Variants in RHD observed in about 807,000 individuals in gnomAD.
The protein encoded by RHD is Rh blood group D antigen, also known as blood group Rh(D) polypeptide.
Under a neutral mutation model 45.5 loss-of-function variants are expected in RHD, and 16 were observed. The observed-to-expected ratio is 0.35, with a 90% CI of 0.24 to 0.53. The LOEUF is 0.53. Ranked by LOEUF, RHD falls within the 20% of genes least tolerant of loss-of-function variation. The pLI, the probability that RHD is intolerant of heterozygous loss-of-function variation, is 0.92. For synonymous variants in RHD, 131 were observed against 217.5 expected (o/e 0.60, Z 3.50); for missense variants, 306 against 532.0 (o/e 0.58, Z 4.18).
chr1:25,302,323 A>C (rs549546052), intron 5 of RHD, among the ~76,000 whole-genome samples: 3,642 of 128,288 alleles, frequency 0.028, 530 homozygotes, highest in African/African-American at 0.086. Flanking sequence ...ATGATGGGGG[A>C]AGGGGCTCCA....
chr1:25,313,985 G>A (rs1644296876), intron 7 of RHD, among the ~76,000 whole-genome samples: 1 of 132,922 alleles, frequency 7.5e-6, no homozygotes, highest in South Asian at 2.3e-4. Flanking sequence ...CATTATTGAG[G>A]AGGATTTGGG....
At chr1:25,287,613 C>G (rs1370348880) in intron 2 of RHD, among the ~76,000 whole-genome samples, 2 of 135,262 alleles carry the variant, frequency 1.5e-5, no homozygotes, top group Admixed American at 1.4e-4. Context: ...GGGGAGGGGC[C>G]TATCTTATTC....
chr1:25,276,217 C>T lies in RHD; in HGVS notation c.148+3522C>T, dbSNP rs111814301. ...TTTTTGTTTTTGTTTTTTAAGTCTC[C>T]ATCTGTTAGAGAGGCACATTGAAAT... is the stretch of plus-strand genomic sequence containing the variant. On this transcript the variant is annotated intron_variant, in intron 1 of 9. Transcript: ENST00000328664. 2.1e-4 allele frequency among the ~76,000 whole-genome samples: 27 copies of T among 129,520 alleles called. 5 individuals carry two copies. Among genetic ancestry groups the T allele is most frequent in the Admixed American group, 6.8e-4 (9 of 13,218 alleles). 85.0% of individuals were successfully genotyped at this position (129,520 alleles called of 152,430 possible). A position where few individuals can be genotyped will look rare whatever the true frequency, so the allele number is the denominator to read the frequency against.
At position 25,297,955 on chromosome 1, in the gene RHD, T is replaced by C. The variant is rs1411232366; in HGVS notation, c.487-2991T>C. On this transcript the variant is annotated intron_variant, in intron 3 of 9. Coordinates refer to ENST00000328664, the MANE Select transcript of RHD (RefSeq NM_016124.6). ...TCCCAGGTAGTCTGTGCTCTCCATC[T>C]TTTGGCTCTTATTCTCTCCGTACAT... is the stretch of plus-strand genomic sequence containing the variant. Among the ~76,000 whole-genome samples the C allele has an allele frequency of 1.5e-5, 2 of 131,372 alleles. 1 individual carries two copies. Among genetic ancestry groups the C allele is most frequent in the African/African-American group, 5.2e-5 (2 of 38,180 alleles). 86.2% of individuals were successfully genotyped at this position (131,372 alleles called of 152,430 possible).
In RHD at chr1:25,284,894, A is replaced by G. The variant is rs45536231; in HGVS notation, c.335+135A>G. 4.0e-3 allele frequency: 4,215 copies of G among 1,065,190 alleles called. 565 individuals carry two copies. The African/African-American group carries it at 0.059, about 15-fold the overall frequency. 66.0% of individuals were successfully genotyped at this position (1,065,190 alleles called of 1,614,324 possible). ...TGTGCAATATTTAGGACATCCTTAT[A>G]CTAAAAGATTATTCATTGTTTAAAA... On this transcript the variant is annotated intron_variant, in intron 2 of 9. Transcript: ENST00000328664.
chr1:25,279,711 T>C (rs1455645038), intron 1 of RHD, among the ~76,000 whole-genome samples: 3 of 124,160 alleles, frequency 2.4e-5, no homozygotes, highest in Admixed American at 7.8e-5. Context: ...ATGGTGAGTA[T>C]TGCCTTATCT....
rs1166506933 is a variant in RHD, at chr1:25,291,294, C to G, written c.486+503C>G. On this transcript the variant is annotated intron_variant, in intron 3 of 9. Transcript: ENST00000328664. ...GACCAGCCTGGTCAACATGGGGGAA[C>G]CTCATCTCTACTAAAAATACAAAAT... Among the ~76,000 whole-genome samples, 4 of 129,970 alleles carry G rather than the reference C, an allele frequency of 3.1e-5. 1 individual carries two copies. Among genetic ancestry groups the G allele is most frequent in the Non-Finnish European group, 7.3e-5 (4 of 54,998 alleles). The allele number at this position is 129,970 out of a possible 152,430, so 85.3% of individuals were successfully genotyped here. A position where few individuals can be genotyped will look rare whatever the true frequency, so the allele number is the denominator to read the frequency against.
At chr1:25,285,290 G>A (rs1477609259) in intron 2 of RHD, among the ~76,000 whole-genome samples, 5 of 133,608 alleles carry the variant, frequency 3.7e-5, no homozygotes, top group African/African-American at 1.0e-4. Flanking sequence ...ATGTGCCACC[G>A]CGCCTGGCTG....
intron 9 of RHD, 110 bp downstream of exon 9, chr1:25,322,072 G>C: frequency 1.7e-6 from 1 of 593,928 alleles, no homozygotes. Context: ...AACAAAAATG[G>C]AGTAAGGAGC....
chr1:25,291,638 A>G (rs35011018), intron 3 of RHD, among the ~76,000 whole-genome samples: 2,425 of 132,456 alleles, frequency 0.018, 274 homozygotes, highest in African/African-American at 0.058. Flanking sequence ...AATTATGGTT[A>G]TATAAAAGTA....
At chr1:25,292,258 G>A (rs1642572850) in intron 3 of RHD, among the ~76,000 whole-genome samples, 1 of 132,386 alleles carries the variant, frequency 7.6e-6, no homozygotes, top group East Asian at 2.0e-4. Context: ...GGAGAACTAG[G>A]GAGTGTTGGG....
At chr1:25,284,249 C>CTAA (rs1173864510) in intron 1 of RHD, among the ~76,000 whole-genome samples, 2 of 136,120 alleles carry the variant, frequency 1.5e-5, no homozygotes, top group Non-Finnish European at 3.5e-5. Flanking sequence ...AGCACGTGTG[C>CTAA]TTTACACTTG....
rs182629341 is a variant in RHD at position 25,300,307 on chromosome 1, T to C, written c.487-639T>C. ...GGGAAGGATCTCTTGAGCCCAGGAG[T>C]TCAAGACCAGCCTGAGCAACATAGC... On this transcript the variant is annotated intron_variant, in intron 3 of 9. Coordinates refer to ENST00000328664, the MANE Select transcript of RHD (RefSeq NM_016124.6). Among the ~76,000 whole-genome samples, 6 of 123,122 alleles carry C rather than the reference T, an allele frequency of 4.9e-5. No individual in the cohort carries two copies. In the East Asian group the frequency reaches 1.2e-3, roughly 25 times the overall value. 80.8% of individuals were successfully genotyped at this position (123,122 alleles called of 152,430 possible).
intron 7 of RHD, among the ~76,000 whole-genome samples, chr1:25,310,472 C>G (rs1384133148): frequency 1.5e-5 from 2 of 131,802 alleles, no homozygotes; most frequent in African/African-American, 5.1e-5. Context: ...GAACTGTGAG[C>G]TAAATCAATT....
chr1:25,312,069 G>C (rs2124037064), intron 7 of RHD, among the ~76,000 whole-genome samples: 1 of 102,936 alleles, frequency 9.7e-6, no homozygotes, highest in African/African-American at 3.4e-5. Flanking sequence ...TGCAACATGG[G>C]CAGAACCCAG....
rs1344418944 is a variant in RHD, at chr1:25,284,895, C to T, written c.335+136C>T. The T allele has an allele frequency of 2.6e-5, 28 of 1,066,356 alleles. 1 individual carries two copies. In the East Asian group the frequency reaches 6.4e-4, roughly 24 times the overall value. 66.1% of individuals were successfully genotyped at this position (1,066,356 alleles called of 1,614,324 possible). On this transcript the variant is annotated intron_variant, in intron 2 of 9. Coordinates refer to ENST00000328664, the MANE Select transcript of RHD (RefSeq NM_016124.6). ...GTGCAATATTTAGGACATCCTTATA[C>T]TAAAAGATTATTCATTGTTTAAAAT...
At chr1:25,281,475 G>A (rs1163509963) in intron 1 of RHD, among the ~76,000 whole-genome samples, 1 of 131,934 alleles carries the variant, frequency 7.6e-6, no homozygotes, top group Non-Finnish European at 1.8e-5. Context: ...TTTAACAATC[G>A]TGTTTAATAA....
intron 3 of RHD, among the ~76,000 whole-genome samples, chr1:25,295,705 A>G (rs1467447991): frequency 9.2e-6 from 1 of 108,780 alleles, no homozygotes; most frequent in East Asian, 2.2e-4. Flanking sequence ...GCTGAAGGGC[A>G]GGGGCTGACA....
At position 25,305,884 on chromosome 1, in the gene RHD, G is replaced by A. The variant is rs1464196102; in HGVS notation, c.940-712G>A. 6.8e-5 allele frequency among the ~76,000 whole-genome samples: 9 copies of A among 131,454 alleles called. 3 individuals carry two copies. The highest frequency in any genetic ancestry group is 3.0e-4 in the Admixed American group (4 of 13,528). The allele number at this position is 131,454 out of a possible 152,430, so 86.2% of individuals were successfully genotyped here. ...CCCAAAGTGCTGGGATTACAGGCAT[G>A]AGCCACCGTGCCCAACCTGGATTTT... On this transcript the variant is annotated intron_variant, in intron 6 of 9. Transcript: ENST00000328664.
Sources: gnomAD v4.1 joint callset for allele counts (sites outside exome capture counted in the v4.1 genomes callset) on GRCh38, gnomAD v4.1.1 for gene constraint, MANE v1.5 for transcripts, NCBI Gene and HGNC (gene_info 2026-07-23, HGNC 2026-07-21) for gene names.